The following HIVEP3 variants were observed in gnomAD, a reference collection of about 807,000 sequenced individuals.
HIVEP3 encodes transcription factor HIVEP3.
HIVEP3 carries 49 observed loss-of-function variants against 152.8 expected under a neutral mutation model. That is an observed-to-expected ratio of 0.32 (90% CI 0.26 to 0.41). The LOEUF (loss-of-function observed/expected upper bound fraction) is 0.41, where lower values mean the gene tolerates loss of function less well. Ranked by LOEUF, HIVEP3 falls within the 10% of genes least tolerant of loss-of-function variation. The pLI, the probability that HIVEP3 is intolerant of heterozygous loss-of-function variation, is 1.00. For synonymous variants in HIVEP3, 1,269 were observed against 1,289.0 expected (o/e 0.98, Z 0.33); for missense variants, 2,790 against 3,103.3 (o/e 0.90, Z 2.40).
At position 41,510,745 on chromosome 1, in the gene HIVEP3, G is replaced by T; in HGVS notation, c.6927C>A (p.Cys2309Ter). Residue 2309 changes from cysteine (C) to a stop codon, truncating the protein, a stop_gained, in exon 9 of 9, where the codon TGC becomes TGA. Transcript: ENST00000372583. LOFTEE classifies it low-confidence loss of function (END_TRUNC). Reference protein sequence around the residue: ...PAEPTPTHSPCTPPDTLPRPP... With the variant: ...PAEPTPTHSP ...GCCGGGGCAAGGTGTCGGGTGGGGT[G>T]CAGGGGCTGTGCGTGGGTGTGGGCT... 1 of 1,575,272 alleles carries T rather than the reference G, an allele frequency of 6.3e-7. No individual in the cohort carries two copies. Among genetic ancestry groups the T allele is most frequent in the Non-Finnish European group, 8.6e-7 (1 of 1,160,864 alleles).
At chr1:41,690,612 T>C (rs1022111248) in intron 2 of HIVEP3, among the ~76,000 whole-genome samples, 1 of 152,130 alleles carries the variant, frequency 6.6e-6, no homozygotes, top group African/African-American at 2.4e-5. Flanking sequence ...CACTTACATA[T>C]TGTTGGCTGA....
chr1:41,566,357 G>A (rs1281454643), intron 5 of HIVEP3, among the ~76,000 whole-genome samples: 4 of 152,182 alleles, frequency 2.6e-5, no homozygotes, highest in Non-Finnish European at 5.9e-5. Flanking sequence ...CCAGGGAAGT[G>A]TCTTCTTCTC....
chr1:41,524,729 T>C lies in HIVEP3; in HGVS notation c.5383+6A>G. ...AGGGGCAGTGCCCCAGCTGACTCTC[T>C]CTTACCTTTGGTTTTAAAAGCAAAG... is the stretch of plus-strand genomic sequence containing the variant. On this transcript the variant is annotated splice_donor_region_variant and intron_variant, in intron 6 of 8. Transcript: ENST00000372583. 1 of 1,613,404 alleles carries C rather than the reference T, an allele frequency of 6.2e-7. No individual in the cohort carries two copies. The highest frequency in any genetic ancestry group is 8.5e-7 in the Non-Finnish European group (1 of 1,179,912).
rs550916261 is a variant in HIVEP3, at chr1:41,815,910, C to G, written c.-801+102503G>C. 2.6e-5 allele frequency among the ~76,000 whole-genome samples: 4 copies of G among 152,160 alleles called. No homozygotes were observed. The East Asian group carries it at 7.7e-4, about 29-fold the overall frequency. ...TCAGCCTCCTGAGTAGCTGGAGAACCACATCCCCAAAACTTAGAAATCAGA... is the reference window on the plus strand; with the variant it reads ...TCAGCCTCCTGAGTAGCTGGAGAACGACATCCCCAAAACTTAGAAATCAGA... On this transcript the variant is annotated intron_variant, in intron 1 of 8. Transcript: ENST00000372583.
intron 1 of HIVEP3, among the ~76,000 whole-genome samples, chr1:42,011,848 A>C (rs1292398386): frequency 6.6e-6 from 1 of 152,176 alleles, no homozygotes; most frequent in African/African-American, 2.4e-5. Flanking sequence ...AGTTTTGGAC[A>C]CTGTCCTGTG....
chr1:41,766,065 C>T (rs1215075298), intron 1 of HIVEP3, among the ~76,000 whole-genome samples: 1 of 152,230 alleles, frequency 6.6e-6, no homozygotes, highest in Non-Finnish European at 1.5e-5. Context: ...GCCTCACATC[C>T]TCTGATGAGT....
chr1:41,858,374 C>A (rs947442548), intron 1 of HIVEP3, among the ~76,000 whole-genome samples: 1 of 152,116 alleles, frequency 6.6e-6, no homozygotes, highest in African/African-American at 2.4e-5. Context: ...ATATTCATGC[C>A]CTGTCATTCA....
Position 41,750,737 on chromosome 1 carries a change from C to T in HIVEP3, c.-800-49742G>A, listed in dbSNP as rs567330514. Among the ~76,000 whole-genome samples the T allele has an allele frequency of 7.1e-4, 105 of 147,904 alleles. 1 individual carries two copies. The highest frequency in any genetic ancestry group is 2.4e-3 in the African/African-American group (98 of 40,460). ...TTTTTTGACACGCGTCTCGCTCTGTCGCCCAGGCTGGAGTGCAATGGTGCG... is the reference window on the plus strand; with the variant it reads ...TTTTTTGACACGCGTCTCGCTCTGTTGCCCAGGCTGGAGTGCAATGGTGCG... On this transcript the variant is annotated intron_variant, in intron 1 of 8. Transcript: ENST00000372583.
At chr1:41,636,959 C>CAAAAAAAAAAA (rs56258158) in intron 2 of HIVEP3, among the ~76,000 whole-genome samples, 1 of 127,132 alleles carries the variant, frequency 7.9e-6, no homozygotes, top group African/African-American at 3.0e-5. Flanking sequence ...AACTCCATCT[C>CAAAAAAAAAAA]AAAAAAAAAA....
At chr1:41,911,795 A>C (rs566233191) in intron 1 of HIVEP3, among the ~76,000 whole-genome samples, 1 of 152,320 alleles carries the variant, frequency 6.6e-6, no homozygotes, top group South Asian at 2.1e-4. Context: ...TACAGAGTCC[A>C]ATCAAATGAA....
At position 41,583,874 on chromosome 1, in the gene HIVEP3, G is replaced by A; in HGVS notation, c.924C>T (p.Ser308=). ...GGCTCCCAGAGCTGTATAGCCCGCT[G>A]GAGAGAAGGGGCTGCTTGGGTCTTG... ...LSPRPKQPLL[S]SGLYSSGSHS... Residue 308 remains serine, a synonymous_variant, in exon 4 of 9, where the codon TCC becomes TCT. Coordinates refer to ENST00000372583, the MANE Select transcript of HIVEP3 (RefSeq NM_024503.5). The surrounding 1 kb of genome is among the most constrained non-coding windows in gnomAD (Gnocchi z 6.9). The A allele has an allele frequency of 6.2e-7, 1 of 1,613,796 alleles. No individual in the cohort carries two copies. Among genetic ancestry groups the A allele is most frequent in the Non-Finnish European group, 8.5e-7 (1 of 1,179,826 alleles).
chr1:41,754,461 A>G (rs1414104748), intron 1 of HIVEP3, among the ~76,000 whole-genome samples: 3 of 152,218 alleles, frequency 2.0e-5, no homozygotes, highest in South Asian at 4.1e-4. Flanking sequence ...GGAGGTGAGA[A>G]GTGGTCAACT....
intron 1 of HIVEP3, among the ~76,000 whole-genome samples, chr1:41,861,715 A>ACC (rs1269159257): frequency 6.6e-6 from 1 of 152,242 alleles, no homozygotes; most frequent in African/African-American, 2.4e-5. Flanking sequence ...GCCAGATTTC[A>ACC]GAGAGGTCTG....
At chr1:41,723,536 C>T (rs888474665) in intron 1 of HIVEP3, among the ~76,000 whole-genome samples, 10 of 150,460 alleles carry the variant, frequency 6.6e-5, no homozygotes, top group Middle Eastern at 3.4e-3. Context: ...CACACAGCCA[C>T]CATAAAAAAA....
intron 1 of HIVEP3, among the ~76,000 whole-genome samples, chr1:41,737,370 T>A (rs1351154351): frequency 6.6e-6 from 1 of 152,152 alleles, no homozygotes; most frequent in African/African-American, 2.4e-5. Context: ...GCAGTCCCAT[T>A]TTTTTGTGTC....
At chr1:41,781,618 C>T (rs919346040) in intron 1 of HIVEP3, among the ~76,000 whole-genome samples, 30 of 152,278 alleles carry the variant, frequency 2.0e-4, no homozygotes, top group Admixed American at 7.8e-4. Flanking sequence ...AGCTCTTCTG[C>T]CTTCTAAAGG....
chr1:41,681,089 GGTGT>G (rs35572259), intron 2 of HIVEP3, among the ~76,000 whole-genome samples: 3,531 of 148,040 alleles, frequency 0.024, 62 homozygotes, highest in Middle Eastern at 0.049. Context: ...GCTAAGAACT[GGTGT>G]GTGTGTGTGT....
At chr1:41,954,125 G>A (rs1645125570) in intron 1 of HIVEP3, among the ~76,000 whole-genome samples, 1 of 152,220 alleles carries the variant, frequency 6.6e-6, no homozygotes, top group Non-Finnish European at 1.5e-5. Flanking sequence ...AGAAGAGTGT[G>A]CACCAGGCAT....
At chr1:41,685,856 C>CAA (rs1306882706) in intron 2 of HIVEP3, among the ~76,000 whole-genome samples, 139 of 152,254 alleles carry the variant, frequency 9.1e-4, no homozygotes, top group African/African-American at 3.2e-3. Flanking sequence ...GTTCTCTCTC[C>CAA]AACCCGCCTC....
Sources: gnomAD v4.1 joint callset for allele counts (sites outside exome capture counted in the v4.1 genomes callset) on GRCh38, gnomAD v4.1.1 for gene constraint, Gnocchi (gnomAD v3.1) non-coding constraint, MANE v1.5 for transcripts, NCBI Gene and HGNC (gene_info 2026-07-23, HGNC 2026-07-21) for gene names.